The following DMC1 variants were observed in gnomAD, a reference collection of about 807,000 sequenced individuals.
The protein encoded by DMC1 is meiotic recombination protein DMC1 homolog.
A neutral mutation model predicts 50.1 loss-of-function variants in DMC1; 27 were observed. The observed-to-expected ratio is 0.54, with a 90% CI of 0.40 to 0.74. The LOEUF (loss-of-function observed/expected upper bound fraction) is 0.74. Ranked by LOEUF, DMC1 falls within the 30% of genes least tolerant of loss-of-function variation. The probability of loss-of-function intolerance (pLI) is 0.00; values close to 1 mark genes in which losing one functional copy is unlikely to be tolerated. For missense variants in DMC1, 295 were observed against 420.2 expected (o/e 0.70, Z 2.60); for synonymous variants, 148 against 136.1 (o/e 1.09, Z -0.61).
rs190820114 is a variant in DMC1, at chr22:38,553,225, G to A, written c.380-518C>T. 5.0e-3 allele frequency among the ~76,000 whole-genome samples: 750 copies of A among 151,150 alleles called. 10 individuals are homozygous for A. The highest frequency in any genetic ancestry group is 0.017 in the African/African-American group (711 of 41,358). ...TATAAATGAAAGTTTAAGGCCGGGC[G>A]CGGTGGCTTATGCCTGTAATCCCAG... On this transcript the variant is annotated intron_variant, in intron 6 of 13. Coordinates refer to ENST00000216024, the MANE Select transcript of DMC1 (RefSeq NM_007068.4).
At chr22:38,568,633 T>C (rs1181101578) in intron 1 of DMC1, among the ~76,000 whole-genome samples, 1 of 152,216 alleles carries the variant, frequency 6.6e-6, no homozygotes, top group African/African-American at 2.4e-5. Flanking sequence ...TTATTTAGAA[T>C]TGCATATTGC....
intron 5 of DMC1, among the ~76,000 whole-genome samples, chr22:38,559,188 C>T (rs2090499665): frequency 6.6e-6 from 1 of 151,700 alleles, no homozygotes; most frequent in Admixed American, 6.6e-5. Flanking sequence ...TGCCACCATG[C>T]CCGGCTAATT....
At chr22:38,553,840 T>G (rs1206967870) in intron 6 of DMC1, among the ~76,000 whole-genome samples, 1 of 150,872 alleles carries the variant, frequency 6.6e-6, no homozygotes, top group Non-Finnish European at 1.5e-5. Context: ...GCACCTATAG[T>G]CCCAGCTACT....
At chr22:38,559,997 GA>G (rs1418368796) in intron 5 of DMC1, among the ~76,000 whole-genome samples, 1 of 151,148 alleles carries the variant, frequency 6.6e-6, no homozygotes, top group Non-Finnish European at 1.5e-5. Context: ...CAGCCTGGGT[GA>G]CAGAGCAAGA....
In DMC1 at chr22:38,538,601, T is replaced by C. The variant is rs2227914; in HGVS notation, c.598A>G (p.Met200Val). Residue 200 changes from methionine to valine, a missense_variant, in exon 10 of 14, where the codon ATG becomes GTG. Physicochemically the swap from Met to Val is conservative, Grantham distance 21 (BLOSUM62 1). Coordinates refer to ENST00000216024, the MANE Select transcript of DMC1 (RefSeq NM_007068.4). ...GCTGCTACATAATCAAGTAGCTCCATCTGATGTTCACCTGATGGGAAATGC... is the reference window on the plus strand; with the variant it reads ...GCTGCTACATAATCAAGTAGCTCCACCTGATGTTCACCTGATGGGAAATGC... ...YARAYTSEHQ[M>V]ELLDYVAAKF... 9,900 of 1,613,802 alleles carry C rather than the reference T, an allele frequency of 6.1e-3. 549 individuals carry two copies. The African/African-American group carries it at 0.12, about 19-fold the overall frequency.
chr22:38,557,777 CT>C, intron 5 of DMC1, among the ~76,000 whole-genome samples: 1 of 152,086 alleles, frequency 6.6e-6, no homozygotes, highest in Middle Eastern at 3.4e-3. Flanking sequence ...GGATTGGCCT[CT>C]GACTGATTAA....
At position 38,538,334 on chromosome 22, in the gene DMC1, A is replaced by G; in HGVS notation, c.736T>C (p.Leu246=). ...TGGAGTCGTGACAACATCTGGGCCA[A>G]TTTTTGCTGCCGTTCGGCCAACTCC... ...RGELAERQQK[L]AQMLSRLQKI... is the part of the protein sequence containing the mutation. The change falls in exon 11 of 14, where the codon TTG becomes CTG. Residue 246 remains leucine (L), a synonymous_variant. Transcript: ENST00000216024. 3.7e-6 allele frequency: 6 copies of G among 1,613,986 alleles called. No homozygotes were observed. Among genetic ancestry groups the G allele is most frequent in the Non-Finnish European group, 4.2e-6 (5 of 1,180,022 alleles).
intron 5 of DMC1, among the ~76,000 whole-genome samples, chr22:38,557,270 C>T (rs2090477150): frequency 6.6e-6 from 1 of 151,860 alleles, no homozygotes; most frequent in African/African-American, 2.4e-5. Context: ...TGTGAGGATA[C>T]CCCAAATTAT....
At chr22:38,539,546 C>T (rs2090257420) in intron 8 of DMC1, 134 bp from the exon 9 acceptor site, 3 of 740,424 alleles carry the variant, frequency 4.1e-6, no homozygotes, top group African/African-American at 1.7e-5. Context: ...CTAGAGGATG[C>T]TAGCAACCAT....
At chr22:38,565,841 TTATCAATTGGCTA>T (rs1249684793) in intron 4 of DMC1, among the ~76,000 whole-genome samples, 5 of 152,236 alleles carry the variant, frequency 3.3e-5, no homozygotes, top group African/African-American at 4.8e-5. Context: ...CAGTGCTCTC[TTATCAATTGGCTA>T]TATCAATTGG....
intron 1 of DMC1, among the ~76,000 whole-genome samples, chr22:38,568,988 C>G (rs11570371): frequency 6.6e-6 from 1 of 151,788 alleles, no homozygotes; most frequent in Admixed American, 6.6e-5. Flanking sequence ...GTCAGGAGTT[C>G]GAGACCAGCC....
At chr22:38,568,346 T>C in intron 1 of DMC1, 57 bp from the exon 2 acceptor site, 1 of 1,331,048 alleles carries the variant, frequency 7.5e-7, no homozygotes, top group South Asian at 1.2e-5. Flanking sequence ...GGCCTCTGAT[T>C]TCATTTCAAA....
At chr22:38,569,300 GTTTA>G (rs2090613778) in intron 1 of DMC1, 1 of 152,058 alleles carries the variant, frequency 6.6e-6, no homozygotes, top group African/African-American at 2.4e-5. Context: ...GCGTGATTGT[GTTTA>G]TTTATTACAA....
chr22:38,546,025 C>T (rs1317870309), intron 8 of DMC1: 1 of 152,396 alleles, frequency 6.6e-6, no homozygotes, highest in Non-Finnish European at 1.5e-5. Context: ...CCTGCACCCC[C>T]ACCCAGCTGT....
intron 5 of DMC1, among the ~76,000 whole-genome samples, chr22:38,558,513 G>A (rs1192457578): frequency 1.3e-5 from 2 of 151,922 alleles, no homozygotes; most frequent in South Asian, 2.1e-4. Context: ...TCAGGAGTTC[G>A]AGGCCAGCCT....
intron 4 of DMC1, among the ~76,000 whole-genome samples, chr22:38,565,084 G>A (rs1291653161): frequency 6.6e-6 from 1 of 152,214 alleles, no homozygotes; most frequent in African/African-American, 2.4e-5. Context: ...AAATGAAGAG[G>A]AAGACTTAGT....
At chr22:38,550,087 C>G (rs2090387007) in intron 7 of DMC1, 90 bp from the exon 8 acceptor site, 3 of 892,746 alleles carry the variant, frequency 3.4e-6, no homozygotes, top group Non-Finnish European at 5.4e-6. Flanking sequence ...GCTGTTGCAA[C>G]TCTTTAGTAC....
Position 38,522,895 on chromosome 22 carries a change from A to T in DMC1, c.837-1171T>A, listed in dbSNP as rs370428760. ...TGCTGAGATAAACTGCTACTTGATTAAATGGCTCAGAGGTTAGGACCAGAA... is the reference window on the plus strand; with the variant it reads ...TGCTGAGATAAACTGCTACTTGATTTAATGGCTCAGAGGTTAGGACCAGAA... On this transcript the variant is annotated intron_variant, in intron 12 of 13. Coordinates refer to ENST00000216024, the MANE Select transcript of DMC1 (RefSeq NM_007068.4). 1.4e-4 allele frequency among the ~76,000 whole-genome samples: 21 copies of T among 152,246 alleles called. 1 individual carries two copies. The East Asian group carries it at 3.9e-3, about 28-fold the overall frequency.
intron 5 of DMC1, among the ~76,000 whole-genome samples, chr22:38,556,679 T>C (rs1216394558): frequency 6.6e-6 from 1 of 152,210 alleles, no homozygotes; most frequent in Non-Finnish European, 1.5e-5. Flanking sequence ...ATGCAACACA[T>C]ATTAATTGTG....
Sources: gnomAD v4.1 joint callset for allele counts (sites outside exome capture counted in the v4.1 genomes callset) on GRCh38, gnomAD v4.1.1 for gene constraint, MANE v1.5 for transcripts, NCBI Gene and HGNC (gene_info 2026-07-23, HGNC 2026-07-21) for gene names.